Variants in NDUFA10 observed in about 807,000 individuals in gnomAD.
NDUFA10 encodes NADH dehydrogenase [ubiquinone] 1 alpha subcomplex subunit 10, mitochondrial.
NDUFA10 carries 40 observed loss-of-function variants against 47.8 expected under a neutral mutation model. The ratio of observed to expected loss-of-function variants is 0.84; its 90% CI spans 0.65 to 1.09. The LOEUF (loss-of-function observed/expected upper bound fraction) is 1.09, where lower values mean the gene tolerates loss of function less well. Ranked by LOEUF, NDUFA10 falls within the 50% of genes least tolerant of loss-of-function variation. NDUFA10 has a pLI of 0.00. For missense variants in NDUFA10, 413 were observed against 451.1 expected, an observed-to-expected ratio of 0.92 and a Z score of 0.76; for synonymous variants, 183 against 172.2, an observed-to-expected ratio of 1.06 and a Z score of -0.49.
intron 4 of NDUFA10, among the ~76,000 whole-genome samples, chr2:239,907,607 C>G (rs1391459240): frequency 6.6e-6 from 1 of 152,198 alleles, no homozygotes; most frequent in Non-Finnish European, 1.5e-5. Context: ...AGACACTTCT[C>G]AAAAGAAGAC....
At chr2:239,932,119 C>G (rs1286068915) in intron 4 of NDUFA10, among the ~76,000 whole-genome samples, 1 of 151,924 alleles carries the variant, frequency 6.6e-6, no homozygotes, top group East Asian at 1.9e-4. Context: ...CAGGCGTGAG[C>G]CACCGCGCCC....
intron 4 of NDUFA10, among the ~76,000 whole-genome samples, chr2:239,933,513 T>G (rs1694212311): frequency 9.7e-6 from 1 of 102,646 alleles, no homozygotes; most frequent in Non-Finnish European, 2.0e-5. Context: ...GTTTTTTTTT[T>G]GTTTTTTTGT....
intron 4 of NDUFA10, among the ~76,000 whole-genome samples, chr2:239,927,570 ACT>A (rs1253253797): frequency 6.6e-6 from 1 of 152,152 alleles, no homozygotes; most frequent in Non-Finnish European, 1.5e-5. Flanking sequence ...CTGTATTGCC[ACT>A]CTCACAGCCT....
At chr2:239,995,986 T>C (rs1372898542) in intron 8 of NDUFA10, among the ~76,000 whole-genome samples, 1 of 151,880 alleles carries the variant, frequency 6.6e-6, no homozygotes, top group African/African-American at 2.4e-5. Context: ...TCCAGCGCTG[T>C]TGGAAATTTA....
chr2:240,014,292 T>G, intron 5 of NDUFA10: 1 of 278,066 alleles, frequency 3.6e-6, no homozygotes, highest in Non-Finnish European at 7.1e-6. Context: ...CTAGAATTGG[T>G]AAGTAAGAAA....
chr2:239,979,862 G>A (rs192618612), intron 9 of NDUFA10, among the ~76,000 whole-genome samples: 5 of 152,192 alleles, frequency 3.3e-5, no homozygotes, highest in Non-Finnish European at 5.9e-5. Context: ...TGCCTTTTCA[G>A]CTCACTCCCT....
rs1693475195 is a variant in NDUFA10, at chr2:239,899,088, AGGGGTGTGG to A, written c.295-3783_295-3775del. Among the ~76,000 whole-genome samples the A allele has an allele frequency of 4.3e-4, 12 of 28,160 alleles. 3 individuals are homozygous for A. Among genetic ancestry groups the A allele is most frequent in the Admixed American group, 1.4e-3 (3 of 2,158 alleles). 18.5% of individuals were successfully genotyped at this position (28,160 alleles called of 152,430 possible). ...GGAGGGGTGTGATGGAGGAGTGTGGAGGGGTGTGGTGGAGGGGTGTGACGGAGGGGTGTG... is the reference window on the plus strand; with the variant it reads ...GGAGGGGTGTGATGGAGGAGTGTGGATGGAGGGGTGTGACGGAGGGGTGTG... On this transcript the variant is annotated intron_variant, in intron 4 of 5. Transcript: ENST00000419408.
At chr2:240,020,553 C>T (rs1404730684) in intron 3 of NDUFA10, among the ~76,000 whole-genome samples, 1 of 152,200 alleles carries the variant, frequency 6.6e-6, no homozygotes, top group Non-Finnish European at 1.5e-5. Context: ...CATGTTCATG[C>T]CCTTTCATCC....
intron 4 of NDUFA10, among the ~76,000 whole-genome samples, chr2:239,932,653 C>A (rs1694195066): frequency 6.6e-6 from 1 of 151,484 alleles, no homozygotes; most frequent in Non-Finnish European, 1.5e-5. Flanking sequence ...GATCTCGGCT[C>A]ACTGTAAGCT....
intron 7 of NDUFA10, among the ~76,000 whole-genome samples, chr2:240,006,191 C>T (rs1232343796): frequency 6.6e-6 from 1 of 152,126 alleles, no homozygotes; most frequent in Non-Finnish European, 1.5e-5. Flanking sequence ...ACGTATTATT[C>T]TTCTTCTAAG....
At chr2:239,988,246 C>G (rs947940086) in intron 9 of NDUFA10, among the ~76,000 whole-genome samples, 2 of 152,074 alleles carry the variant, frequency 1.3e-5, no homozygotes, top group Non-Finnish European at 2.9e-5. Context: ...TCAGATGCTA[C>G]ATAAATATTG....
chr2:239,961,501 G>A (rs1051611643), intron 9 of NDUFA10, among the ~76,000 whole-genome samples: 2 of 152,186 alleles, frequency 1.3e-5, no homozygotes, highest in Non-Finnish European at 2.9e-5. Flanking sequence ...GCAATGGGTG[G>A]CACTTAGGGG....
chr2:240,021,504 G>A (rs781723264), intron 2 of NDUFA10, 92 bp from the exon 3 acceptor site: 82 of 1,125,620 alleles, frequency 7.3e-5, no homozygotes, highest in Middle Eastern at 2.7e-4. Flanking sequence ...CAGCCCGCCC[G>A]AATCTCACCG....
chr2:240,020,067 C>T lies in NDUFA10; in HGVS notation c.460+1130G>A, dbSNP rs76280785. Among the ~76,000 whole-genome samples the T allele has an allele frequency of 6.0e-3, 921 of 152,294 alleles. 7 individuals are homozygous for T. The highest frequency in any genetic ancestry group is 0.021 in the African/African-American group (870 of 41,568). The stretch of plus-strand genomic sequence containing the variant: ...CAAAGCAAGACAATAACTCCACCAC[C>T]GTACAACTGTGTAGATACGTGTCAT... On this transcript the variant is annotated intron_variant, in intron 3 of 9. Coordinates refer to ENST00000252711, the MANE Select transcript of NDUFA10 (RefSeq NM_004544.4).
chr2:239,958,610 G>C lies in NDUFA10; in HGVS notation c.*2508C>G, dbSNP rs1413837530. The C allele has an allele frequency of 6.6e-6, 1 of 152,246 alleles. No homozygotes were observed. The highest frequency in any genetic ancestry group is 2.4e-5 in the African/African-American group (1 of 41,458). 9.4% of individuals were successfully genotyped at this position (152,246 alleles called of 1,614,324 possible). On this transcript the variant is annotated 3_prime_UTR_variant, in exon 10 of 10. Coordinates refer to ENST00000252711, the MANE Select transcript of NDUFA10 (RefSeq NM_004544.4). Reference sequence around the variant, plus strand: ...CAGCAGCCAGCAGCCTGGCAGCGTGGGGCTGGTGAGCTGCTGCTGCTATCT... The same window carrying C: ...CAGCAGCCAGCAGCCTGGCAGCGTGCGGCTGGTGAGCTGCTGCTGCTATCT...
intron 2 of NDUFA10, 128 bp from the exon 3 acceptor site, chr2:240,021,540 G>GA: frequency 1.3e-6 from 1 of 793,440 alleles, no homozygotes; most frequent in Non-Finnish European, 2.1e-6. Context: ...ATGACCTAGA[G>GA]AAAGTCACCT....
chr2:239,901,798 A>G (rs1693555981), intron 4 of NDUFA10, among the ~76,000 whole-genome samples: 1 of 151,816 alleles, frequency 6.6e-6, no homozygotes, highest in Admixed American at 6.6e-5. Flanking sequence ...CAACATTAAC[A>G]AGAGTTTAAA....
intron 1 of NDUFA10, among the ~76,000 whole-genome samples, chr2:240,024,680 G>A (rs953978386): frequency 1.3e-5 from 2 of 152,200 alleles, no homozygotes; most frequent in Non-Finnish European, 2.9e-5. Context: ...AAGATGTAAG[G>A]CAGAATGTGA....
chr2:239,998,117 T>C lies in NDUFA10; in HGVS notation c.890+7093A>G, dbSNP rs554513046. Among the ~76,000 whole-genome samples, 57 of 152,382 alleles carry C rather than the reference T, an allele frequency of 3.7e-4. No individual in the cohort carries two copies. In the South Asian group the frequency reaches 0.01, roughly 28 times the overall value. ...TCAACTGTTAATCCTGGCACTGTGG[T>C]GGCAGAAGCGCAGGTGATTTGATTC... is the stretch of plus-strand genomic sequence containing the variant. On this transcript the variant is annotated intron_variant, in intron 8 of 9. Coordinates refer to ENST00000252711, the MANE Select transcript of NDUFA10 (RefSeq NM_004544.4).
Sources: gnomAD v4.1 joint callset for allele counts (sites outside exome capture counted in the v4.1 genomes callset) on GRCh38, gnomAD v4.1.1 for gene constraint, MANE v1.5 for transcripts, NCBI Gene and HGNC (gene_info 2026-07-23, HGNC 2026-07-21) for gene names.